RANBP3L: variants seen among roughly 807,000 people sequenced by gnomAD.
The protein encoded by RANBP3L is RAN binding protein 3 like, also known as ran-binding protein 3-like.
Under a neutral mutation model 67.2 loss-of-function variants are expected in RANBP3L, and 56 were observed. That is an observed-to-expected ratio of 0.83 (90% CI 0.67 to 1.04). The LOEUF is 1.04. RANBP3L is among the 50% of genes least tolerant of loss of function. The pLI, the probability that RANBP3L is intolerant of heterozygous loss-of-function variation, is 0.00. For missense variants in RANBP3L, 496 were observed against 535.5 expected, an observed-to-expected ratio of 0.93 and a Z score of 0.73; for synonymous variants, 164 against 181.4, an observed-to-expected ratio of 0.90 and a Z score of 0.77.
Position 36,260,803 on chromosome 5 carries a change from C to T in RANBP3L, c.646G>A (p.Glu216Lys), listed in dbSNP as rs780964105. The part of the protein sequence containing the change: ...KSCSSNFVFG[E>K]NMVERVLGTQ... ...ACCAAAACTCTTTCTACCATGTTTT[C>T]TCCAAAAACAAAATTGGAACTGCAG... Residue 216 changes from glutamate to lysine, a missense_variant, in exon 8 of 14, where the codon GAA becomes AAA. Glu to Lys is a moderately conservative substitution (Grantham distance 56, BLOSUM62 1). Coordinates refer to ENST00000296604, the MANE Select transcript of RANBP3L (RefSeq NM_145000.5). 2 of 1,553,728 alleles carry T rather than the reference C, an allele frequency of 1.3e-6. No individual in the cohort carries two copies. Among genetic ancestry groups the T allele is most frequent in the East Asian group, 2.3e-5 (1 of 44,368 alleles).
intron 1 of RANBP3L, among the ~76,000 whole-genome samples, chr5:36,284,704 TA>T (rs1214058978): frequency 5.3e-5 from 8 of 152,202 alleles, no homozygotes; most frequent in African/African-American, 1.7e-4. Flanking sequence ...GCTAGGCAGT[TA>T]TTTAAAGTTA....
intron 1 of RANBP3L, among the ~76,000 whole-genome samples, chr5:36,293,982 G>A (rs900312933): frequency 6.6e-6 from 1 of 152,030 alleles, no homozygotes; most frequent in Admixed American, 6.6e-5. Context: ...AATGGTACCA[G>A]TTCCTCCTTG....
intron 1 of RANBP3L, among the ~76,000 whole-genome samples, chr5:36,291,943 A>G (rs949930637): frequency 7.4e-6 from 1 of 135,942 alleles, no homozygotes. Flanking sequence ...GTCAAATGGT[A>G]TTTCTAGTTC....
At chr5:36,291,655 T>A (rs1285642245) in intron 1 of RANBP3L, among the ~76,000 whole-genome samples, 1 of 151,334 alleles carries the variant, frequency 6.6e-6, no homozygotes, top group Admixed American at 6.6e-5. Flanking sequence ...TGGTGTTTGG[T>A]TTTTTGTTCT....
At chr5:36,289,465 G>A (rs1464217558) in intron 1 of RANBP3L, among the ~76,000 whole-genome samples, 2 of 152,134 alleles carry the variant, frequency 1.3e-5, no homozygotes, top group African/African-American at 2.4e-5. Flanking sequence ...AGATGGCCTT[G>A]ACTCTATAGG....
intron 6 of RANBP3L, 137 bp from the exon 7 acceptor site, chr5:36,262,179 G>T: frequency 5.5e-6 from 3 of 549,474 alleles, no homozygotes; most frequent in Non-Finnish European, 9.7e-6. Flanking sequence ...TTTTATGTAC[G>T]ATCTCATTTA....
chr5:36,295,001 C>T (rs1433574869), intron 1 of RANBP3L, among the ~76,000 whole-genome samples: 2 of 150,250 alleles, frequency 1.3e-5, no homozygotes, highest in African/African-American at 4.9e-5. Flanking sequence ...TATATACACA[C>T]CATATTTTGT....
chr5:36,277,448 G>A (rs1559233), intron 1 of RANBP3L, among the ~76,000 whole-genome samples: 8,513 of 68,262 alleles, frequency 0.12, 351 homozygotes, highest in African/African-American at 0.22. Flanking sequence ...ATATGTGTGT[G>A]TGTGTGTGTG....
chr5:36,260,593 T>A (rs1006949685), intron 8 of RANBP3L, among the ~76,000 whole-genome samples, 187 bp downstream of exon 8: 1 of 152,188 alleles, frequency 6.6e-6, no homozygotes, highest in Admixed American at 6.5e-5. Context: ...TCTGTGGGTT[T>A]CTATTATTTT....
At position 36,271,242 on chromosome 5, in the gene RANBP3L, G is replaced by A. The variant is rs1404380784; in HGVS notation, c.150+11C>T. 7.0e-7 allele frequency: 1 copy of A among 1,421,456 alleles called. No individual in the cohort carries two copies. Among genetic ancestry groups the A allele is most frequent in the African/African-American group, 1.4e-5 (1 of 70,808 alleles). The allele number at this position is 1,421,456 out of a possible 1,614,324, so 88.1% of individuals were successfully genotyped here. A position where few individuals can be genotyped will look rare whatever the true frequency, so the allele number is the denominator to read the frequency against. On this transcript the variant is annotated intron_variant, in intron 2 of 13. Transcript: ENST00000296604. ...CAAAGTAAAATTGAACAAAGAAGTA[G>A]TCAATCTTACCTTAAAAGTTTGTTC...
At position 36,269,312 on chromosome 5, in the gene RANBP3L, C is replaced by G. The variant is rs1219439868; in HGVS notation, c.268+78G>C. 4 of 871,026 alleles carry G rather than the reference C, an allele frequency of 4.6e-6. No homozygotes were observed. The East Asian group carries it at 9.7e-5, about 21-fold the overall frequency. The allele number at this position is 871,026 out of a possible 1,614,324, so 54.0% of individuals were successfully genotyped here. ...CAGCTGGCAAGCTTTTAACATTACC[C>G]TTTTGAAAAGTTTCTCAGTAATTTT... On this transcript the variant is annotated intron_variant, in intron 4 of 13. Transcript: ENST00000296604.
At chr5:36,255,873 A>T (rs568049767) in intron 10 of RANBP3L, among the ~76,000 whole-genome samples, 12 of 152,190 alleles carry the variant, frequency 7.9e-5, no homozygotes. Flanking sequence ...ACTGGTGTAA[A>T]TATTTTGTTT....
chr5:36,284,826 G>C (rs953115433), intron 1 of RANBP3L, among the ~76,000 whole-genome samples: 35 of 152,154 alleles, frequency 2.3e-4, no homozygotes, highest in African/African-American at 8.4e-4. Flanking sequence ...ATACCCTTTT[G>C]GGAGACAGTT....
At chr5:36,293,840 G>A (rs190858163) in intron 1 of RANBP3L, among the ~76,000 whole-genome samples, 130,711 of 137,398 alleles carry the variant, frequency 0.95, 62,497 homozygotes, top group Non-Finnish European at 0.99. Flanking sequence ...AATGTTCATC[G>A]AGGATATTGG....
intron 1 of RANBP3L, among the ~76,000 whole-genome samples, chr5:36,294,907 A>G (rs537267334): frequency 1.5e-4 from 22 of 148,650 alleles, no homozygotes; most frequent in African/African-American, 5.4e-4. Flanking sequence ...ATATGTGTGT[A>G]TATATACATA....
At chr5:36,262,114 A>G in intron 6 of RANBP3L, 72 bp from the exon 7 acceptor site, 1 of 737,022 alleles carries the variant, frequency 1.4e-6, no homozygotes, top group Non-Finnish European at 2.3e-6. Context: ...CAAGGAAACA[A>G]TAGTTATAGT....
chr5:36,254,787 G>A (rs576532922), intron 11 of RANBP3L, among the ~76,000 whole-genome samples: 1 of 152,064 alleles, frequency 6.6e-6, no homozygotes, highest in Admixed American at 6.6e-5. Flanking sequence ...CATTCATCCT[G>A]CCCAGATCTC....
intron 1 of RANBP3L, among the ~76,000 whole-genome samples, chr5:36,282,961 G>A (rs932456608): frequency 7.2e-5 from 11 of 152,188 alleles, no homozygotes; most frequent in Non-Finnish European, 1.3e-4. Context: ...TAAAGGCCAG[G>A]TAGTAATTTG....
In RANBP3L at chr5:36,253,784, G is replaced by A. The variant is rs577932970; in HGVS notation, c.1030C>T (p.Arg344Cys). The A allele has an allele frequency of 2.4e-5, 38 of 1,611,938 alleles. No individual in the cohort carries two copies. The highest frequency in any genetic ancestry group is 1.6e-4 in the Middle Eastern group (1 of 6,068). Reference sequence around the variant, plus strand: ...ATCAGCCTTAGACTGCCTTGATTGCGCATAACTAAAATAGGAAGGTGACTA... The same window carrying A: ...ATCAGCCTTAGACTGCCTTGATTGCACATAACTAAAATAGGAAGGTGACTA... ...CGTLQSRLIM[R>C]NQGSLRLILN... Residue 344 changes from arginine (R) to cysteine (C), a missense_variant, in exon 12 of 14, where the codon CGC becomes TGC. Coordinates refer to ENST00000296604, the MANE Select transcript of RANBP3L (RefSeq NM_145000.5).
Sources: gnomAD v4.1 joint callset for allele counts (sites outside exome capture counted in the v4.1 genomes callset) on GRCh38, gnomAD v4.1.1 for gene constraint, MANE v1.5 for transcripts, NCBI Gene and HGNC (gene_info 2026-07-23, HGNC 2026-07-21) for gene names.